Variants in MAPK10 observed in about 807,000 individuals in gnomAD.
The protein encoded by MAPK10 is mitogen-activated protein kinase 10, also known as JNK3 alpha protein kinase.
MAPK10 carries 25 observed loss-of-function variants against 59.3 expected under a neutral mutation model. The observed-to-expected ratio is 0.42, with a 90% CI of 0.31 to 0.59. MAPK10 has a LOEUF of 0.59. MAPK10 is among the 20% of genes least tolerant of loss of function. The pLI is 0.15. For synonymous variants in MAPK10, 190 were observed against 200.5 expected, an observed-to-expected ratio of 0.95 and a Z score of 0.44; for missense variants, 351 against 568.9, an observed-to-expected ratio of 0.62 and a Z score of 3.90.
intron 4 of MAPK10, among the ~76,000 whole-genome samples, chr4:86,135,363 A>T (rs573237007): frequency 2.6e-5 from 4 of 152,320 alleles, no homozygotes; most frequent in East Asian, 1.9e-4. Flanking sequence ...TGCCTCCTCA[A>T]GTGGGTCCCT....
intron 11 of MAPK10, chr4:86,040,975 GTTC>G (rs1314572951): frequency 7.3e-5 from 11 of 150,796 alleles, no homozygotes; most frequent in African/African-American, 2.4e-4. Flanking sequence ...GCTTAAGAGA[GTTC>G]TTCAGGCTAA....
At chr4:86,169,407 C>T (rs1045681317) in intron 3 of MAPK10, among the ~76,000 whole-genome samples, 5 of 151,928 alleles carry the variant, frequency 3.3e-5, no homozygotes, top group Non-Finnish European at 1.5e-5. Context: ...TCCAGAACTA[C>T]GTGAAGAATG....
At chr4:86,217,407 T>C (rs2088015202) in intron 2 of MAPK10, among the ~76,000 whole-genome samples, 1 of 152,230 alleles carries the variant, frequency 6.6e-6, no homozygotes, top group African/African-American at 2.4e-5. Context: ...CAGGTTTCAC[T>C]AACAATCACA....
upstream of MAPK10, among the ~76,000 whole-genome samples, chr4:86,364,153 G>T (rs1737452879): frequency 6.6e-6 from 1 of 151,512 alleles, no homozygotes; most frequent in African/African-American, 2.4e-5. Context: ...TTGAGACAGG[G>T]TCTCACTCTA....
intron 9 of MAPK10, among the ~76,000 whole-genome samples, chr4:86,083,498 C>T (rs548933597): frequency 6.6e-6 from 1 of 152,064 alleles, no homozygotes; most frequent in African/African-American, 2.4e-5. Context: ...TTAAACCAGC[C>T]CTGGCCAGAG....
At chr4:86,229,107 G>C (rs1375839024) in intron 2 of MAPK10, among the ~76,000 whole-genome samples, 1 of 152,128 alleles carries the variant, frequency 6.6e-6, no homozygotes, top group East Asian at 1.9e-4. Flanking sequence ...GCAACACTCT[G>C]TTGAAATTTT....
intron 1 of MAPK10, among the ~76,000 whole-genome samples, chr4:86,591,592 T>C (rs1214706668): frequency 6.6e-6 from 1 of 152,190 alleles, no homozygotes; most frequent in African/African-American, 2.4e-5. Context: ...CAGACTGGTA[T>C]TGAACTCCTG....
chr4:86,360,922 C>A (rs1736828792), upstream of MAPK10, among the ~76,000 whole-genome samples: 1 of 152,218 alleles, frequency 6.6e-6, no homozygotes, highest in South Asian at 2.1e-4. Flanking sequence ...GAAAAATTTT[C>A]AATACAAATT....
chr4:86,359,288 C>CTCTCTCTCTCTCTCTGTGTGTG (rs796310826), intron 1 of MAPK10, among the ~76,000 whole-genome samples: 6 of 94,630 alleles, frequency 6.3e-5, no homozygotes, highest in Admixed American at 1.1e-4. Flanking sequence ...CTCTCTCTCT[C>CTCTCTCTCTCTCTCTGTGTGTG]TGTGTGTGTG....
At chr4:86,581,673 TTATTG>T (rs1287378644) in intron 1 of MAPK10, among the ~76,000 whole-genome samples, 1 of 137,056 alleles carries the variant, frequency 7.3e-6, no homozygotes, top group African/African-American at 2.7e-5. Context: ...TTTTTTTCAG[TTATTG>T]TGTGTGTGTG....
intron 1 of MAPK10, among the ~76,000 whole-genome samples, chr4:86,410,458 A>G (rs1045697537): frequency 6.6e-6 from 1 of 152,100 alleles, no homozygotes; most frequent in Non-Finnish European, 1.5e-5. Flanking sequence ...TATTGATTGG[A>G]ATAGTTTCAG....
In MAPK10 at chr4:86,539,902, G is replaced by T. The variant is rs183849902; in HGVS notation, c.-263+54008C>A. Among the ~76,000 whole-genome samples the T allele has an allele frequency of 2.0e-4, 31 of 152,278 alleles. No individual in the cohort carries two copies. In the East Asian group the frequency reaches 5.6e-3, roughly 27 times the overall value. On this transcript the variant is annotated intron_variant, in intron 1 of 4. Coordinates refer to the MAPK10 transcript ENST00000502302. ...CTAAATATTCAATCATAGGAGGAAG[G>T]TTAAATGAGTTGTAGAATGACTAAG...
At chr4:86,550,183 T>C (rs1759644444) in intron 1 of MAPK10, among the ~76,000 whole-genome samples, 1 of 146,176 alleles carries the variant, frequency 6.8e-6, no homozygotes, top group Non-Finnish European at 1.5e-5. Flanking sequence ...CACATACATA[T>C]AGAACTACTA....
At chr4:86,136,350 T>A (rs1379185369) in intron 4 of MAPK10, among the ~76,000 whole-genome samples, 2 of 152,114 alleles carry the variant, frequency 1.3e-5, no homozygotes, top group South Asian at 4.1e-4. Context: ...GCAGAAACCC[T>A]ACAAGCCAGA....
rs201447391 is a variant in MAPK10 at position 86,194,332 on chromosome 4, A to G, written c.66+4T>C. On this transcript the variant is annotated splice_donor_region_variant and intron_variant, in intron 3 of 13. Coordinates refer to ENST00000641462, the MANE Select transcript of MAPK10 (RefSeq NM_138982.4). The stretch of plus-strand genomic sequence containing the variant: ...ACCTTGTTTTACCTGTAAGGAACAC[A>G]CACCTGACAAAAGGCAATTTTCACA... 6.2e-7 allele frequency: 1 copy of G among 1,611,710 alleles called. No homozygotes were observed. Among genetic ancestry groups the G allele is most frequent in the Admixed American group, 1.7e-5 (1 of 60,010 alleles).
At chr4:86,039,736 G>A (rs2041112500) in intron 11 of MAPK10, among the ~76,000 whole-genome samples, 1 of 152,160 alleles carries the variant, frequency 6.6e-6, no homozygotes, top group Non-Finnish European at 1.5e-5. Flanking sequence ...GTGGACCCAA[G>A]GATAAGGCCA....
intron 1 of MAPK10, among the ~76,000 whole-genome samples, chr4:86,469,068 T>C (rs938775246): frequency 6.6e-6 from 1 of 152,088 alleles, no homozygotes; most frequent in Non-Finnish European, 1.5e-5. Flanking sequence ...AGGCTTGTTA[T>C]GTGGCTTGTT....
At chr4:86,295,110 G>A (rs965648845) in intron 2 of MAPK10, among the ~76,000 whole-genome samples, 2 of 152,106 alleles carry the variant, frequency 1.3e-5, no homozygotes, top group South Asian at 2.1e-4. Context: ...AAATGTCAAC[G>A]CCATCCAAAG....
At chr4:86,555,082 A>G (rs1760151739) in intron 1 of MAPK10, among the ~76,000 whole-genome samples, 2 of 152,232 alleles carry the variant, frequency 1.3e-5, no homozygotes, top group South Asian at 4.1e-4. Flanking sequence ...TAGACTGGAC[A>G]ATAGTGCTTA....
Sources: gnomAD v4.1 joint callset for allele counts (sites outside exome capture counted in the v4.1 genomes callset) on GRCh38, gnomAD v4.1.1 for gene constraint, MANE v1.5 for transcripts, NCBI Gene and HGNC (gene_info 2026-07-23, HGNC 2026-07-21) for gene names.